SRGAP1: variants seen among roughly 807,000 people sequenced by gnomAD.
SRGAP1 encodes the protein SLIT-ROBO Rho GTPase activating protein 1.
SRGAP1 carries 43 observed loss-of-function variants against 121.9 expected under a neutral mutation model. The observed-to-expected ratio is 0.35, with a 90% CI of 0.28 to 0.46. The LOEUF is 0.46. Ranked by LOEUF, SRGAP1 falls within the 20% of genes least tolerant of loss-of-function variation. SRGAP1 has a pLI of 1.00. For missense variants in SRGAP1, 1,102 were observed against 1,350.9 expected (o/e 0.82, Z 2.89); for synonymous variants, 447 against 485.4 (o/e 0.92, Z 1.04).
chr12:63,967,398 C>T (rs1337546503), intron 1 of SRGAP1, among the ~76,000 whole-genome samples: 2 of 152,214 alleles, frequency 1.3e-5, no homozygotes, highest in Non-Finnish European at 2.9e-5. Context: ...GCTATGATTG[C>T]ACCACTGCAC....
chr12:63,941,308 G>A (rs2136350524), intron 1 of SRGAP1, among the ~76,000 whole-genome samples: 1 of 152,172 alleles, frequency 6.6e-6, no homozygotes, highest in Admixed American at 6.5e-5. Context: ...GTTAGGTCTT[G>A]TCATCATGCC....
intron 3 of SRGAP1, among the ~76,000 whole-genome samples, chr12:64,008,853 G>A (rs2034165918): frequency 6.6e-6 from 1 of 152,046 alleles, no homozygotes; most frequent in East Asian, 1.9e-4. Context: ...TAGTCCCTAG[G>A]TTTTTCTTAC....
rs2037142022 is a variant in SRGAP1 at position 64,153,748 on chromosome 12, A to C, written c.*11076A>C. 1 of 152,192 alleles carries C rather than the reference A, an allele frequency of 6.6e-6. No homozygotes were observed. Among genetic ancestry groups the C allele is most frequent in the Admixed American group, 6.5e-5 (1 of 15,282 alleles). 9.4% of individuals were successfully genotyped at this position (152,192 alleles called of 1,614,324 possible). A position where few individuals can be genotyped will look rare whatever the true frequency, so the allele number is the denominator to read the frequency against. On this transcript the variant is annotated 3_prime_UTR_variant, in exon 22 of 22. Coordinates refer to ENST00000355086, the MANE Select transcript of SRGAP1 (RefSeq NM_020762.4). ...AGAGCCACTAAGGAAAACAGTGTGG[A>C]AGTTCCTCAAAAAATTAAAAATAAA...
At position 64,150,041 on chromosome 12, in the gene SRGAP1, C is replaced by T. The variant is rs566278665; in HGVS notation, c.*7369C>T. On this transcript the variant is annotated 3_prime_UTR_variant, in exon 22 of 22. Transcript: ENST00000355086. ...CTGTTTCTACATAGTAAATAGAAAA[C>T]TTGCCTTCTATAATAAAAACAAAAT... 298 of 152,186 alleles carry T rather than the reference C, an allele frequency of 2.0e-3. 1 individual carries two copies. Among genetic ancestry groups the T allele is most frequent in the African/African-American group, 6.7e-3 (277 of 41,512 alleles). 9.4% of individuals were successfully genotyped at this position (152,186 alleles called of 1,614,324 possible). A position where few individuals can be genotyped will look rare whatever the true frequency, so the allele number is the denominator to read the frequency against.
chr12:63,975,247 A>T (rs2033061549), intron 1 of SRGAP1, among the ~76,000 whole-genome samples: 1 of 152,182 alleles, frequency 6.6e-6, no homozygotes, highest in African/African-American at 2.4e-5. Context: ...GACTAGAAAC[A>T]GTGTTCAGAC....
intron 1 of SRGAP1, among the ~76,000 whole-genome samples, chr12:63,896,223 G>C (rs1158734314): frequency 6.6e-6 from 1 of 152,200 alleles, no homozygotes; most frequent in African/African-American, 2.4e-5. Context: ...CTAGAACTTA[G>C]TAAGTTCCTT....
chr12:64,032,519 TG>T, intron 4 of SRGAP1: 4 of 1,209,746 alleles, frequency 3.3e-6, no homozygotes, highest in Non-Finnish European at 4.9e-6. Context: ...GGAGCAGGCC[TG>T]GGCCAGCACA....
chr12:63,892,749 C>T (rs1008207023), intron 1 of SRGAP1, among the ~76,000 whole-genome samples: 2 of 152,140 alleles, frequency 1.3e-5, no homozygotes, highest in South Asian at 2.1e-4. Flanking sequence ...TTATGAGAAA[C>T]GTTATTGAGG....
intron 21 of SRGAP1, among the ~76,000 whole-genome samples, chr12:64,135,312 C>T (rs923378662): frequency 2.6e-5 from 4 of 152,124 alleles, no homozygotes; most frequent in Non-Finnish European, 4.4e-5. Flanking sequence ...TGCAGGTCAG[C>T]GACTTGCATA....
At chr12:64,001,717 A>G (rs1458104984) in intron 3 of SRGAP1, among the ~76,000 whole-genome samples, 1 of 152,212 alleles carries the variant, frequency 6.6e-6, no homozygotes, top group African/African-American at 2.4e-5. Flanking sequence ...AGCTCACAAC[A>G]GAAGAACCTC....
chr12:64,123,296 A>G lies in SRGAP1; in HGVS notation c.2225-2681A>G, dbSNP rs367657474. Among the ~76,000 whole-genome samples, 66 of 152,304 alleles carry G rather than the reference A, an allele frequency of 4.3e-4. No homozygotes were observed. The East Asian group carries it at 0.012, about 27-fold the overall frequency. ...CAGGAGTTTGGGGTTACAGTGAGCA[A>G]TGATTGTGCTACTATATCCGGCATG... is the stretch of plus-strand genomic sequence containing the variant. On this transcript the variant is annotated intron_variant, in intron 18 of 21. Transcript: ENST00000355086.
At chr12:63,956,152 G>A (rs1168580804) in intron 1 of SRGAP1, among the ~76,000 whole-genome samples, 1 of 152,108 alleles carries the variant, frequency 6.6e-6, no homozygotes, top group African/African-American at 2.4e-5. Flanking sequence ...CTACAGACAT[G>A]CACCTCCATG....
chr12:63,864,442 G>A (rs997251441), intron 1 of SRGAP1, among the ~76,000 whole-genome samples: 5 of 152,096 alleles, frequency 3.3e-5, no homozygotes, highest in African/African-American at 1.2e-4. Flanking sequence ...GTAGTTTATA[G>A]CATGGCCTCA....
intron 1 of SRGAP1, among the ~76,000 whole-genome samples, chr12:63,965,113 T>C (rs2032754761): frequency 1.3e-5 from 2 of 152,290 alleles, no homozygotes; most frequent in East Asian, 1.9e-4. Flanking sequence ...GAATGTGTGC[T>C]TTGGGACTGT....
intron 2 of SRGAP1, among the ~76,000 whole-genome samples, chr12:63,985,073 TGAAA>T (rs1302607355): frequency 1.3e-5 from 2 of 148,214 alleles, no homozygotes; most frequent in East Asian, 3.9e-4. Flanking sequence ...ACAACTCCAG[TGAAA>T]TATTCAAGTG....
intron 11 of SRGAP1, among the ~76,000 whole-genome samples, chr12:64,089,857 A>AG (rs2036015734): frequency 6.6e-6 from 1 of 152,212 alleles, no homozygotes; most frequent in African/African-American, 2.4e-5. Context: ...AGGCTGTACC[A>AG]GTAGGTTTGT....
At chr12:64,001,080 G>A (rs974653201) in intron 3 of SRGAP1, among the ~76,000 whole-genome samples, 6 of 151,916 alleles carry the variant, frequency 3.9e-5, no homozygotes, top group South Asian at 2.1e-4. Flanking sequence ...ACACAAACAC[G>A]TAGTACTTTC....
intron 18 of SRGAP1, among the ~76,000 whole-genome samples, chr12:64,124,646 A>C (rs903028556): frequency 2.6e-5 from 4 of 152,238 alleles, no homozygotes; most frequent in Admixed American, 2.6e-4. Flanking sequence ...AGCTTCTTGC[A>C]GTAAGATAAA....
intron 1 of SRGAP1, among the ~76,000 whole-genome samples, chr12:63,913,480 T>TATATATATATTG (rs1555238830): frequency 9.2e-6 from 1 of 108,626 alleles, no homozygotes; most frequent in Non-Finnish European, 1.9e-5. Context: ...TATATATGGA[T>TATATATATATTG]ATATATATAT....
Sources: gnomAD v4.1 joint callset for allele counts (sites outside exome capture counted in the v4.1 genomes callset) on GRCh38, gnomAD v4.1.1 for gene constraint, MANE v1.5 for transcripts, NCBI Gene and HGNC (gene_info 2026-07-23, HGNC 2026-07-21) for gene names.